NELL1: variants seen among roughly 807,000 people sequenced by gnomAD.
The protein encoded by NELL1 is protein kinase C-binding protein NELL1.
In NELL1, 76 loss-of-function variants were observed where a neutral mutation model predicts 107.4. The ratio of observed to expected loss-of-function variants is 0.71; its 90% CI spans 0.59 to 0.86. NELL1 has a LOEUF of 0.86. Ranked by LOEUF, NELL1 falls within the 40% of genes least tolerant of loss-of-function variation. The probability of loss-of-function intolerance (pLI) is 0.00; values close to 1 mark genes in which losing one functional copy is unlikely to be tolerated. For missense variants in NELL1, 1,024 were observed against 1,005.5 expected, an observed-to-expected ratio of 1.02 and a Z score of -0.25; for synonymous variants, 353 against 341.2, an observed-to-expected ratio of 1.03 and a Z score of -0.38.
chr11:20,870,247 T>TA (rs1275610174), intron 4 of NELL1, among the ~76,000 whole-genome samples: 5 of 152,214 alleles, frequency 3.3e-5, no homozygotes, highest in African/African-American at 9.6e-5. Flanking sequence ...GAATTTAGAA[T>TA]AGCAGTCTCT....
At chr11:20,949,787 C>T (rs933678445) in intron 11 of NELL1, among the ~76,000 whole-genome samples, 2 of 152,160 alleles carry the variant, frequency 1.3e-5, no homozygotes, top group Admixed American at 1.3e-4. Context: ...TTTACCAAAC[C>T]TGACTCAACT....
chr11:20,838,601 G>A (rs1209031647), intron 3 of NELL1, among the ~76,000 whole-genome samples: 2 of 152,060 alleles, frequency 1.3e-5, no homozygotes, highest in East Asian at 3.9e-4. Context: ...TGAGAAGACT[G>A]GGTACAGGAT....
chr11:21,161,944 C>CTTTTTTTTTTTTTT (rs34422649), intron 13 of NELL1, among the ~76,000 whole-genome samples: 1 of 83,062 alleles, frequency 1.2e-5, no homozygotes, highest in Non-Finnish European at 2.1e-5. Context: ...GGAACATAAT[C>CTTTTTTTTTTTTTT]TTTTTTTTTT....
chr11:21,069,679 G>C (rs369725487), intron 12 of NELL1, among the ~76,000 whole-genome samples: 2 of 152,154 alleles, frequency 1.3e-5, no homozygotes, highest in African/African-American at 4.8e-5. Flanking sequence ...TAGATTTTTG[G>C]TTTGAAGTAT....
chr11:20,898,157 C>G (rs919407946), intron 5 of NELL1, among the ~76,000 whole-genome samples: 10 of 152,134 alleles, frequency 6.6e-5, no homozygotes, highest in Non-Finnish European at 2.9e-5. Flanking sequence ...ATAGCAAAGA[C>G]TTGGAACCAC....
chr11:20,689,308 A>T (rs971264704), intron 2 of NELL1, among the ~76,000 whole-genome samples: 1 of 151,436 alleles, frequency 6.6e-6, no homozygotes. Context: ...ATTATACTTT[A>T]AGTTTTAGGG....
chr11:21,078,190 A>G lies in NELL1; in HGVS notation c.1301-35399A>G, dbSNP rs182432926. Among the ~76,000 whole-genome samples, 20 of 152,264 alleles carry G rather than the reference A, an allele frequency of 1.3e-4. No homozygotes were observed. The East Asian group carries it at 3.7e-3, about 28-fold the overall frequency. ...GCTTTTCTCTGCAAAAGAAATCAAA[A>G]CATAAAAGATAAATGCTACTACATT... is the stretch of plus-strand genomic sequence containing the variant. On this transcript the variant is annotated intron_variant, in intron 12 of 19. Transcript: ENST00000357134.
At chr11:21,108,056 A>AC (rs1855012590) in intron 12 of NELL1, among the ~76,000 whole-genome samples, 1 of 152,154 alleles carries the variant, frequency 6.6e-6, no homozygotes, top group African/African-American at 2.4e-5. Context: ...TGAGAGGCAC[A>AC]CAGTGCTTGA....
At chr11:20,855,715 AAGAAAGTAAACC>A (rs1848869949) in intron 4 of NELL1, among the ~76,000 whole-genome samples, 1 of 152,228 alleles carries the variant, frequency 6.6e-6, no homozygotes, top group Admixed American at 6.5e-5. Context: ...AAAGCAAGGA[AAGAAAGTAAACC>A]AGAACAATAC....
chr11:21,130,965 A>G (rs1855601561), intron 13 of NELL1, among the ~76,000 whole-genome samples: 1 of 152,118 alleles, frequency 6.6e-6, no homozygotes, highest in African/African-American at 2.4e-5. Flanking sequence ...TTTTTTCAGA[A>G]GACGAGATTA....
rs1850233230 is a variant in NELL1, at chr11:20,915,712, TATATA to T, written c.604-2469_604-2465del. On this transcript the variant is annotated intron_variant, in intron 5 of 19. Coordinates refer to ENST00000357134, the MANE Select transcript of NELL1 (RefSeq NM_006157.5). ...AATCCTCATAGATGATATATATATA[TATATA>T]TTTTTTTTTTTTTTTTTTGAGAGGA... is the stretch of plus-strand genomic sequence containing the variant. Among the ~76,000 whole-genome samples the T allele has an allele frequency of 4.3e-5, 3 of 70,040 alleles. 1 individual carries two copies. In the Admixed American group the frequency reaches 4.8e-4, roughly 11 times the overall value. The allele number at this position is 70,040 out of a possible 152,430, so 45.9% of individuals were successfully genotyped here. A position where few individuals can be genotyped will look rare whatever the true frequency, so the allele number is the denominator to read the frequency against.
At chr11:21,224,996 G>T (rs1253503434) in intron 13 of NELL1, among the ~76,000 whole-genome samples, 2 of 152,092 alleles carry the variant, frequency 1.3e-5, no homozygotes, top group African/African-American at 4.8e-5. Context: ...TCTGTCCTGG[G>T]GTAAGCCTCT....
At chr11:20,947,851 G>A (rs1850995505) in intron 11 of NELL1, among the ~76,000 whole-genome samples, 1 of 152,040 alleles carries the variant, frequency 6.6e-6, no homozygotes, top group Admixed American at 6.6e-5. Flanking sequence ...CCATACTCTG[G>A]TAGAGAATGA....
chr11:21,259,328 G>A (rs1858847069), intron 14 of NELL1, among the ~76,000 whole-genome samples: 1 of 151,830 alleles, frequency 6.6e-6, no homozygotes, highest in Non-Finnish European at 1.5e-5. Flanking sequence ...TATAATTAGG[G>A]GGTCAGGGAA....
intron 13 of NELL1, among the ~76,000 whole-genome samples, chr11:21,175,986 C>T (rs891769740): frequency 2.0e-5 from 3 of 151,710 alleles, no homozygotes; most frequent in Non-Finnish European, 4.4e-5. Flanking sequence ...CATGTTTACT[C>T]CAGGTTCAGG....
intron 11 of NELL1, among the ~76,000 whole-genome samples, chr11:20,958,105 T>A (rs1289655149): frequency 6.6e-6 from 1 of 152,026 alleles, no homozygotes; most frequent in Non-Finnish European, 1.5e-5. Flanking sequence ...AGATTAAAAC[T>A]GAAAAATACA....
intron 13 of NELL1, chr11:21,170,208 G>A (rs1053326310): frequency 6.0e-5 from 30 of 498,564 alleles, no homozygotes; most frequent in Non-Finnish European, 9.0e-5. Context: ...CTCATCTGTC[G>A]AACGTGTTGG....
chr11:20,725,053 C>T (rs1276277822), intron 2 of NELL1, among the ~76,000 whole-genome samples: 1 of 152,128 alleles, frequency 6.6e-6, no homozygotes, highest in Non-Finnish European at 1.5e-5. Flanking sequence ...CACTAAACTG[C>T]CCACATAATC....
intron 5 of NELL1, among the ~76,000 whole-genome samples, chr11:20,904,693 G>A (rs555563345): frequency 1.3e-5 from 2 of 152,068 alleles, no homozygotes; most frequent in African/African-American, 4.8e-5. Context: ...TGTAAGCCTG[G>A]CTAAGTGTTG....
Sources: gnomAD v4.1 joint callset for allele counts (sites outside exome capture counted in the v4.1 genomes callset) on GRCh38, gnomAD v4.1.1 for gene constraint, MANE v1.5 for transcripts, NCBI Gene and HGNC (gene_info 2026-07-23, HGNC 2026-07-21) for gene names.